STPG1: variants seen among roughly 807,000 people sequenced by gnomAD.
STPG1 encodes the protein O(6)-methylguanine-induced apoptosis 2.
A neutral mutation model predicts 40.1 loss-of-function variants in STPG1; 33 were observed. The observed-to-expected ratio is 0.82, with a 90% confidence interval of 0.62 to 1.10. STPG1 has a LOEUF of 1.10. Among genes scored for constraint, STPG1 ranks in the 50% least tolerant of loss-of-function variants. STPG1 has a pLI of 0.00. For missense variants in STPG1, 396 were observed against 415.1 expected, an observed-to-expected ratio of 0.95 and a Z score of 0.40; for synonymous variants, 150 against 155.0, an observed-to-expected ratio of 0.97 and a Z score of 0.24.
At chr1:24,390,377 G>C (rs922888912) in intron 3 of STPG1, among the ~76,000 whole-genome samples, 7 of 152,274 alleles carry the variant, frequency 4.6e-5, no homozygotes, top group African/African-American at 1.2e-4. Flanking sequence ...TTAGGGAAGG[G>C]GGGGTGGTGG....
intron 1 of STPG1, among the ~76,000 whole-genome samples, chr1:24,403,061 T>C (rs911428747): frequency 1.3e-5 from 2 of 152,320 alleles, no homozygotes; most frequent in African/African-American, 4.8e-5. Flanking sequence ...CTACATTTTC[T>C]TTTAGAAGTT....
At chr1:24,383,260 T>C (rs78354741) in intron 4 of STPG1, among the ~76,000 whole-genome samples, 2,723 of 152,294 alleles carry the variant, frequency 0.018, 83 homozygotes, top group African/African-American at 0.062. Flanking sequence ...TTTGTATCTT[T>C]CCCCTTGCTG....
intron 3 of STPG1, among the ~76,000 whole-genome samples, chr1:24,390,218 A>G: frequency 6.6e-6 from 1 of 152,260 alleles, no homozygotes; most frequent in Non-Finnish European, 1.5e-5. Context: ...AAAACTTTTT[A>G]GACTCTAAGG....
intron 1 of STPG1, among the ~76,000 whole-genome samples, chr1:24,409,573 G>A (rs1643536325): frequency 6.6e-6 from 1 of 152,160 alleles, no homozygotes; most frequent in Non-Finnish European, 1.5e-5. Context: ...GTTACCCATG[G>A]TCAATTGTGG....
At chr1:24,408,848 T>G (rs1408600108) in intron 1 of STPG1, among the ~76,000 whole-genome samples, 6 of 152,242 alleles carry the variant, frequency 3.9e-5, no homozygotes, top group Admixed American at 6.5e-5. Context: ...TACACTCTAC[T>G]GGTCCTTTTC....
chr1:24,366,711 A>G (rs1367861955), intron 7 of STPG1, among the ~76,000 whole-genome samples: 2 of 152,096 alleles, frequency 1.3e-5, no homozygotes, highest in Non-Finnish European at 2.9e-5. Flanking sequence ...TGGGATTCTG[A>G]TGTGTCAGAA....
Position 24,411,458 on chromosome 1 carries a change from G to T in STPG1, c.-69+2216C>A, listed in dbSNP as rs1643638826. 2.0e-5 allele frequency among the ~76,000 whole-genome samples: 3 copies of T among 152,182 alleles called. No individual in the cohort carries two copies. In the South Asian group the frequency reaches 6.2e-4, roughly 32 times the overall value. On this transcript the variant is annotated intron_variant, in intron 1 of 8. Coordinates refer to ENST00000337248, the MANE Select transcript of STPG1 (RefSeq NM_001199013.2). The stretch of plus-strand genomic sequence containing the variant: ...GATTGGTTTGTTATTATTATTTTTA[G>T]AAATAGGATCTTGCTGTGTCGTCCA...
intron 5 of STPG1, among the ~76,000 whole-genome samples, chr1:24,378,332 G>A (rs1642123322): frequency 6.6e-6 from 1 of 151,958 alleles, no homozygotes; most frequent in Non-Finnish European, 1.5e-5. Context: ...TTTAGATGTG[G>A]CTACTAGAAA....
Position 24,373,731 on chromosome 1 carries a change from A to G in STPG1, c.542T>C (p.Phe181Ser), listed in dbSNP as rs1386885078. ...GGGAGGTCCTTTATCAGCAAAAGCG[A>G]AAGATCCTCTTTGGGTTTTTGACAT... ...GFMSKTQRGS[F>S]AFADKGPPPG... Residue 181 changes from phenylalanine to serine, a missense_variant, in exon 6 of 9, where the codon TTC (phenylalanine) becomes TCC (serine). Physicochemically the swap from Phe to Ser is radical, Grantham distance 155 (BLOSUM62 -2). Coordinates refer to ENST00000337248, the MANE Select transcript of STPG1 (RefSeq NM_001199013.2). 9 of 1,611,888 alleles carry G rather than the reference A, an allele frequency of 5.6e-6. No individual in the cohort carries two copies. The highest frequency in any genetic ancestry group is 7.6e-6 in the Non-Finnish European group (9 of 1,178,032).
intron 2 of STPG1, chr1:24,391,883 C>A (rs773073076): frequency 4.6e-6 from 6 of 1,310,138 alleles, no homozygotes; most frequent in Non-Finnish European, 4.8e-6. Flanking sequence ...GACTTCCCCC[C>A]TCCAGCTCTT....
chr1:24,366,430 T>G (rs1360764611), intron 7 of STPG1, among the ~76,000 whole-genome samples: 6 of 152,196 alleles, frequency 3.9e-5, no homozygotes, highest in African/African-American at 1.4e-4. Flanking sequence ...GGATTTTGGA[T>G]ATTTCCTCAA....
chr1:24,397,948 G>T (rs539534032), intron 2 of STPG1, among the ~76,000 whole-genome samples: 1 of 152,032 alleles, frequency 6.6e-6, no homozygotes, highest in South Asian at 2.1e-4. Flanking sequence ...TTCATTTTGC[G>T]GGGTAAATGC....
chr1:24,413,832 A>C (rs957322600), upstream of STPG1: 1 of 152,232 alleles, frequency 6.6e-6, no homozygotes, highest in Non-Finnish European at 1.5e-5. Flanking sequence ...TTGACCAATC[A>C]TTAGAGGCGT....
At chr1:24,370,269 C>T (rs1202460866) in intron 6 of STPG1, among the ~76,000 whole-genome samples, 1 of 152,044 alleles carries the variant, frequency 6.6e-6, no homozygotes, top group Non-Finnish European at 1.5e-5. Flanking sequence ...ATTTTAAGTT[C>T]CTAGCACATA....
At chr1:24,387,383 G>A (rs1457144038) in intron 3 of STPG1, among the ~76,000 whole-genome samples, 1 of 152,162 alleles carries the variant, frequency 6.6e-6, no homozygotes, top group East Asian at 1.9e-4. Flanking sequence ...GGTCTGGAAA[G>A]GACAGCAATG....
At chr1:24,376,776 A>C (rs1003804916) in intron 5 of STPG1, among the ~76,000 whole-genome samples, 43 of 152,152 alleles carry the variant, frequency 2.8e-4, no homozygotes, top group Admixed American at 1.9e-3. Context: ...TTTTTCTCCC[A>C]AGTAGCCTGG....
chr1:24,369,279 C>A, intron 7 of STPG1: 1 of 454,164 alleles, frequency 2.2e-6, no homozygotes, highest in South Asian at 1.7e-5. Context: ...ACAATGTCAG[C>A]ACCAGGGGAA....
Position 24,362,683 on chromosome 1 carries a change from C to T in STPG1, c.738-1642G>A, listed in dbSNP as rs186484633. ...TGGTGACAGACAGGCAACTGAGCCT[C>T]GTAAAAGACTGACAGGGCCCTTCCA... On this transcript the variant is annotated intron_variant, in intron 7 of 8. Transcript: ENST00000337248. Among the ~76,000 whole-genome samples the T allele has an allele frequency of 1.8e-3, 269 of 152,264 alleles. 1 individual carries two copies. The highest frequency in any genetic ancestry group is 6.1e-3 in the African/African-American group (255 of 41,534).
intron 3 of STPG1, among the ~76,000 whole-genome samples, chr1:24,387,988 G>C (rs1172970312): frequency 4.6e-5 from 7 of 152,140 alleles, no homozygotes. Context: ...TTAACCACTG[G>C]CTGGCTTCCC....
Sources: allele counts gnomAD v4.1 joint callset (sites outside exome capture counted in the v4.1 genomes callset), GRCh38; gene constraint gnomAD v4.1.1; transcripts MANE v1.5; gene names NCBI Gene and HGNC (gene_info 2026-07-23, HGNC 2026-07-21).